PCDH15: variants seen among roughly 807,000 people sequenced by gnomAD.
The protein encoded by PCDH15 is protocadherin-15.
PCDH15 carries 129 observed loss-of-function variants against 178.5 expected under a neutral mutation model. That is an observed-to-expected ratio of 0.72 (90% CI 0.63 to 0.84). The LOEUF (loss-of-function observed/expected upper bound fraction) is 0.84, where lower values mean the gene tolerates loss of function less well. PCDH15 is among the 40% of genes least tolerant of loss of function. The pLI, the probability that PCDH15 is intolerant of heterozygous loss-of-function variation, is 0.00. For missense variants in PCDH15, 2,230 were observed against 2,099.9 expected, an observed-to-expected ratio of 1.06 and a Z score of -1.21; for synonymous variants, 800 against 732.0, an observed-to-expected ratio of 1.09 and a Z score of -1.50.
In PCDH15 at chr10:53,842,484, T is replaced by C. The variant is rs2077719910; in HGVS notation, c.3807-1988A>G. On this transcript the variant is annotated intron_variant, in intron 28 of 37. Coordinates refer to ENST00000644397, the MANE Select transcript of PCDH15 (RefSeq NM_001384140.1). ...CTGGTCTCAAATTCCTGACCTCAAGTGATCCGCCCGCCTCGGCCTTTCAAA... is the reference window on the plus strand; with the variant it reads ...CTGGTCTCAAATTCCTGACCTCAAGCGATCCGCCCGCCTCGGCCTTTCAAA... Among the ~76,000 whole-genome samples, 3 of 152,126 alleles carry C rather than the reference T, an allele frequency of 2.0e-5. No individual in the cohort carries two copies. The South Asian group carries it at 6.2e-4, about 31-fold the overall frequency.
At chr10:54,667,038 T>A (rs1413808926) in intron 1 of PCDH15, among the ~76,000 whole-genome samples, 2 of 151,988 alleles carry the variant, frequency 1.3e-5, no homozygotes, top group East Asian at 3.9e-4. Flanking sequence ...TATATGCATA[T>A]TTCTGAAAGC....
At chr10:55,024,521 C>A (rs1345677170) in intron 2 of PCDH15, among the ~76,000 whole-genome samples, 2 of 151,282 alleles carry the variant, frequency 1.3e-5, no homozygotes, top group Admixed American at 6.6e-5. Flanking sequence ...AAATTCCATA[C>A]CCACAGGTCC....
intron 2 of PCDH15, among the ~76,000 whole-genome samples, chr10:54,581,022 TC>T (rs1318066419): frequency 6.6e-6 from 1 of 152,058 alleles, no homozygotes; most frequent in Admixed American, 6.6e-5. Flanking sequence ...GCGGGATCAA[TC>T]CCTTGAGAAC....
At chr10:54,133,152 GA>G in intron 14 of PCDH15, 145 bp from the exon 15 acceptor site, 2 of 965,708 alleles carry the variant, frequency 2.1e-6, no homozygotes, top group Non-Finnish European at 3.1e-6. Flanking sequence ...TGAAAGGATA[GA>G]AAAAACTACC....
chr10:54,607,417 C>T (rs1034280567), intron 2 of PCDH15, among the ~76,000 whole-genome samples: 2 of 151,832 alleles, frequency 1.3e-5, no homozygotes, highest in African/African-American at 4.8e-5. Context: ...TAACATGTGG[C>T]ATTATTAAAT....
chr10:54,306,064 T>C (rs1415969282), intron 8 of PCDH15, among the ~76,000 whole-genome samples: 1 of 152,000 alleles, frequency 6.6e-6, no homozygotes, highest in Non-Finnish European at 1.5e-5. Context: ...TGTGATCTAA[T>C]GTCTATTTTT....
intron 9 of PCDH15, among the ~76,000 whole-genome samples, 155 bp downstream of exon 9, chr10:54,236,663 ATATCT>A (rs1481714743): frequency 6.6e-6 from 1 of 152,178 alleles, no homozygotes; most frequent in Non-Finnish European, 1.5e-5. Flanking sequence ...GAGGAAGCAA[ATATCT>A]TGAATTATTA....
intron 3 of PCDH15, among the ~76,000 whole-genome samples, chr10:54,446,520 A>G (rs12267378): frequency 0.035 from 5,323 of 151,090 alleles, 235 homozygotes; most frequent in African/African-American, 0.11. Flanking sequence ...ATTTCCTGTT[A>G]TTTCATCTTT....
In PCDH15 at chr10:55,507,424, T is replaced by C. The variant is rs1425769600; in HGVS notation, c.-156+120201A>G. 2.0e-5 allele frequency among the ~76,000 whole-genome samples: 3 copies of C among 151,362 alleles called. No individual in the cohort carries two copies. In the East Asian group the frequency reaches 5.8e-4, roughly 29 times the overall value. On this transcript the variant is annotated intron_variant, in intron 2 of 5. Coordinates refer to the PCDH15 transcript ENST00000613346. ...CACACATAAACTAGCTGAGTGCAGA[T>C]ATGTTTGGAAACCACTGGATTCTAT...
At chr10:55,586,836 A>T (rs551963761) in intron 2 of PCDH15, among the ~76,000 whole-genome samples, 1 of 152,160 alleles carries the variant, frequency 6.6e-6, no homozygotes, top group Non-Finnish European at 1.5e-5. Context: ...CTCAATAATT[A>T]TCTGCTCTCC....
intron 21 of PCDH15, among the ~76,000 whole-genome samples, chr10:53,964,509 A>G (rs1483689672): frequency 1.6e-5 from 2 of 124,806 alleles, no homozygotes; most frequent in East Asian, 4.9e-4. Flanking sequence ...TTTTATTTAT[A>G]AATTTTATTT....
chr10:55,201,700 A>C (rs16907109), intron 1 of PCDH15, among the ~76,000 whole-genome samples: 1,778 of 152,316 alleles, frequency 0.012, 34 homozygotes, highest in African/African-American at 0.041. Context: ...AAACGTGGGA[A>C]AATAGATTAT....
At chr10:54,532,178 A>T (rs894815134) in intron 2 of PCDH15, among the ~76,000 whole-genome samples, 1 of 152,158 alleles carries the variant, frequency 6.6e-6, no homozygotes, top group Non-Finnish European at 1.5e-5. Context: ...AAGCAGAGTG[A>T]TCTTTATAAT....
chr10:55,557,066 TC>T (rs1842104643), intron 2 of PCDH15, among the ~76,000 whole-genome samples: 1 of 152,198 alleles, frequency 6.6e-6, no homozygotes, highest in Admixed American at 6.6e-5. Flanking sequence ...GCAAACACAT[TC>T]TTTAGCATTC....
At chr10:55,299,025 T>C (rs1843204391) in intron 1 of PCDH15, among the ~76,000 whole-genome samples, 2 of 152,212 alleles carry the variant, frequency 1.3e-5, no homozygotes, top group Admixed American at 1.3e-4. Flanking sequence ...ACTTACAACA[T>C]AGTATGCAGG....
chr10:55,581,021 A>C (rs1842604045), intron 2 of PCDH15, among the ~76,000 whole-genome samples: 1 of 152,160 alleles, frequency 6.6e-6, no homozygotes, highest in South Asian at 2.1e-4. Flanking sequence ...TGAAGATGCA[A>C]CTTAATCAGG....
chr10:55,460,084 T>C (rs971535201), intron 2 of PCDH15, among the ~76,000 whole-genome samples: 7 of 151,690 alleles, frequency 4.6e-5, no homozygotes, highest in Non-Finnish European at 7.4e-5. Context: ...AAACAGGAAC[T>C]GACAAAGAAA....
chr10:54,488,503 G>C (rs2079301111), intron 3 of PCDH15, among the ~76,000 whole-genome samples: 1 of 151,726 alleles, frequency 6.6e-6, no homozygotes, highest in African/African-American at 2.4e-5. Flanking sequence ...GTATTCATTA[G>C]CATAGCTGTA....
intron 2 of PCDH15, among the ~76,000 whole-genome samples, chr10:55,520,356 T>G (rs535320988): frequency 1.5e-5 from 2 of 135,820 alleles, no homozygotes; most frequent in South Asian, 4.5e-4. Context: ...ATATACACAT[T>G]GTCACATGGC....
Sources: gnomAD v4.1 joint callset for allele counts (sites outside exome capture counted in the v4.1 genomes callset) on GRCh38, gnomAD v4.1.1 for gene constraint, MANE v1.5 for transcripts, NCBI Gene and HGNC (gene_info 2026-07-23, HGNC 2026-07-21) for gene names.